IQSEC1: variants seen among roughly 807,000 people sequenced by gnomAD.
The protein encoded by IQSEC1 is IQ motif and Sec7 domain ArfGEF 1, also known as IQ motif and SEC7 domain-containing protein 1.
A neutral mutation model predicts 91.0 loss-of-function variants in IQSEC1; 31 were observed. The ratio of observed to expected loss-of-function variants is 0.34; its 90% confidence interval spans 0.26 to 0.46. IQSEC1 has a LOEUF of 0.46. IQSEC1 is among the 20% of genes least tolerant of loss of function. The probability of loss-of-function intolerance (pLI) is 1.00; values close to 1 mark genes in which losing one functional copy is unlikely to be tolerated. For synonymous variants in IQSEC1, 699 were observed against 662.6 expected (o/e 1.05, Z -0.84); for missense variants, 1,388 against 1,575.6 (o/e 0.88, Z 2.02).
intron 1 of IQSEC1, among the ~76,000 whole-genome samples, chr3:13,040,501 G>A (rs906267535): frequency 3.9e-5 from 6 of 152,156 alleles, no homozygotes; most frequent in African/African-American, 7.2e-5. Context: ...GCGCTCTCAC[G>A]GGTTCCTCCT....
intron 1 of IQSEC1, among the ~76,000 whole-genome samples, chr3:13,261,803 T>C (rs1437476774): frequency 6.6e-6 from 1 of 152,212 alleles, no homozygotes; most frequent in East Asian, 1.9e-4. Context: ...CCATAATTTA[T>C]GGCACTCAAT....
At chr3:13,270,829 T>C (rs2125144530) in intron 1 of IQSEC1, among the ~76,000 whole-genome samples, 1 of 151,778 alleles carries the variant, frequency 6.6e-6, no homozygotes, top group Non-Finnish European at 1.5e-5. Context: ...AACACTCCAA[T>C]CAAAAGGCAA....
chr3:13,185,418 G>C (rs1380446026), intron 1 of IQSEC1, among the ~76,000 whole-genome samples: 1 of 152,156 alleles, frequency 6.6e-6, no homozygotes, highest in Non-Finnish European at 1.5e-5. Context: ...TTGTCTACTT[G>C]TTTATTCTGT....
chr3:13,136,230 G>A (rs2124928141), intron 2 of IQSEC1, among the ~76,000 whole-genome samples: 1 of 152,320 alleles, frequency 6.6e-6, no homozygotes, highest in South Asian at 2.1e-4. Flanking sequence ...ACTGATGCAA[G>A]GACAACTGCG....
intron 1 of IQSEC1, among the ~76,000 whole-genome samples, chr3:13,281,676 C>G (rs566806225): frequency 1.3e-5 from 2 of 152,188 alleles, no homozygotes; most frequent in Non-Finnish European, 2.9e-5. Context: ...CAGGAACCAC[C>G]CCACCTTCTG....
intron 2 of IQSEC1, among the ~76,000 whole-genome samples, chr3:13,109,164 G>A (rs1706200208): frequency 6.6e-6 from 1 of 152,200 alleles, no homozygotes; most frequent in East Asian, 1.9e-4. Context: ...GGACTGGCAT[G>A]CGCAATGCTG....
chr3:13,160,350 G>A (rs536244714), intron 2 of IQSEC1, among the ~76,000 whole-genome samples: 6 of 152,190 alleles, frequency 3.9e-5, no homozygotes, highest in African/African-American at 1.2e-4. Context: ...TGGTAGAGAC[G>A]GGGTCCGGCT....
chr3:13,038,649 A>G (rs1222124485), intron 1 of IQSEC1, among the ~76,000 whole-genome samples: 1 of 152,144 alleles, frequency 6.6e-6, no homozygotes, highest in Non-Finnish European at 1.5e-5. Context: ...AATAATTGAA[A>G]GAGTATAATT....
chr3:13,026,874 T>C (rs1393190986), intron 1 of IQSEC1, among the ~76,000 whole-genome samples: 14 of 51,952 alleles, frequency 2.7e-4, no homozygotes, highest in Non-Finnish European at 4.9e-4. Flanking sequence ...GTTTTTTTTT[T>C]TTTTGTTTGT....
chr3:13,249,881 T>C (rs1205019698), intron 1 of IQSEC1, among the ~76,000 whole-genome samples: 1 of 152,162 alleles, frequency 6.6e-6, no homozygotes, highest in Non-Finnish European at 1.5e-5. Context: ...CCCCCACAGG[T>C]TTCCATGGCA....
chr3:13,169,615 T>C (rs1693570272), intron 1 of IQSEC1, among the ~76,000 whole-genome samples: 1 of 152,196 alleles, frequency 6.6e-6, no homozygotes, highest in Non-Finnish European at 1.5e-5. Flanking sequence ...CTGATAGCAA[T>C]ATGGACAACA....
chr3:13,130,949 AAAGG>A (rs1221730065), intron 2 of IQSEC1, among the ~76,000 whole-genome samples: 1 of 150,284 alleles, frequency 6.7e-6, no homozygotes, highest in Non-Finnish European at 1.5e-5. Flanking sequence ...AATAAGCAAT[AAAGG>A]AAGGAAGGAG....
chr3:13,208,714 T>C (rs1009297215), intron 1 of IQSEC1, among the ~76,000 whole-genome samples: 6 of 152,142 alleles, frequency 3.9e-5, no homozygotes, highest in Non-Finnish European at 8.8e-5. Context: ...CTGCCCACAG[T>C]CAGCCAGTCT....
At chr3:12,919,111 C>CG (rs1553651390) in intron 6 of IQSEC1, among the ~76,000 whole-genome samples, 1 of 151,828 alleles carries the variant, frequency 6.6e-6, no homozygotes, top group African/African-American at 2.4e-5. Flanking sequence ...AGAGGAGGCC[C>CG]GGCCTCCTGG....
chr3:12,950,545 G>A (rs908828409), intron 1 of IQSEC1, among the ~76,000 whole-genome samples: 1 of 152,060 alleles, frequency 6.6e-6, no homozygotes, highest in East Asian at 1.9e-4. Flanking sequence ...GATGGCAAGT[G>A]TCTGTAGTCC....
chr3:13,081,656 A>G (rs1316439945), intron 2 of IQSEC1, among the ~76,000 whole-genome samples: 1 of 152,254 alleles, frequency 6.6e-6, no homozygotes, highest in Non-Finnish European at 1.5e-5. Flanking sequence ...TTTTTCAGTC[A>G]TCTAAAAATC....
rs184335905 is a variant in IQSEC1 at position 13,148,099 on chromosome 3, C to T, written c.302+16005G>A. ...ACCACCAGCAGTGAATAAGTATTCC[C>T]TTTTCACCATGTCCACACCAATATC... On this transcript the variant is annotated intron_variant, in intron 2 of 15. Coordinates refer to the IQSEC1 transcript ENST00000648114. Among the ~76,000 whole-genome samples, 35 of 152,346 alleles carry T rather than the reference C, an allele frequency of 2.3e-4. No individual in the cohort carries two copies. In the East Asian group the frequency reaches 6.0e-3, roughly 26 times the overall value.
rs1015637635 is a variant in IQSEC1, at chr3:12,983,930, G to A, written c.24-42065C>T. Among the ~76,000 whole-genome samples, 10 of 152,188 alleles carry A rather than the reference G, an allele frequency of 6.6e-5. No individual in the cohort carries two copies. The highest frequency in any genetic ancestry group is 1.9e-4 in the African/African-American group (8 of 41,436). ...TTAAAAATAAAGCACCTACCTTCAA[G>A]GGGGCAGGCAGAGAGGTAAGGGCCT... On this transcript the variant is annotated intron_variant, in intron 1 of 13. Coordinates refer to ENST00000613206, the MANE Select transcript of IQSEC1 (RefSeq NM_001134382.3). The surrounding 1 kb of genome is among the most constrained non-coding windows in gnomAD (Gnocchi z 4.3).
chr3:13,038,268 ATATAT>A (rs1704116634), intron 1 of IQSEC1, among the ~76,000 whole-genome samples: 1 of 53,260 alleles, frequency 1.9e-5, no homozygotes, highest in South Asian at 9.4e-4. Context: ...GTGTGTATAT[ATATAT>A]ATATATATAT....
Sources: allele counts gnomAD v4.1 joint callset (sites outside exome capture counted in the v4.1 genomes callset), GRCh38; gene constraint gnomAD v4.1.1; non-coding constraint Gnocchi (gnomAD v3.1); transcripts MANE v1.5; gene names NCBI Gene and HGNC (gene_info 2026-07-23, HGNC 2026-07-21).